The following DMD variants were observed in gnomAD, a reference collection of about 807,000 sequenced individuals.
The protein encoded by DMD is dystrophin.
A neutral mutation model predicts 330.1 loss-of-function variants in DMD; 63 were observed. The observed-to-expected ratio is 0.19, with a 90% CI of 0.16 to 0.24. DMD has a LOEUF of 0.24. DMD is among the 10% of genes least tolerant of loss of function. The probability of loss-of-function intolerance (pLI) is 1.00; values close to 1 mark genes in which losing one functional copy is unlikely to be tolerated. For missense variants in DMD, 3,344 were observed against 2,684.1 expected (o/e 1.25, Z -5.43); for synonymous variants, 1,223 against 959.8 (o/e 1.27, Z -5.07).
chrX:31,298,725 C>T, intron 62 of DMD, among the ~76,000 whole-genome samples: 1 of 111,923 alleles, frequency 8.9e-6, no homozygotes, highest in East Asian at 2.8e-4. Context: ...TATTGGTGAG[C>T]AGCAGGTTGG....
At chrX:31,951,704 T>C (rs929301360) in intron 45 of DMD, among the ~76,000 whole-genome samples, 3 of 111,298 alleles carry the variant, frequency 2.7e-5, no homozygotes, top group African/African-American at 9.8e-5. Flanking sequence ...ATAATTTTTA[T>C]GCAATCTTAG....
chrX:32,756,315 T>C (rs1279081585), intron 7 of DMD: 1 of 112,027 alleles, frequency 8.9e-6, no homozygotes, highest in Non-Finnish European at 1.9e-5. Flanking sequence ...TGTTTTCTGA[T>C]TGAATCATAA....
intron 11 of DMD, among the ~76,000 whole-genome samples, chrX:32,632,595 T>G (rs1260402848): frequency 1.8e-5 from 2 of 112,455 alleles, no homozygotes; most frequent in Non-Finnish European, 3.8e-5. Context: ...AAAATCTAGA[T>G]GGATGTTCCC....
At chrX:32,551,825 C>T (rs1216627446) in intron 16 of DMD, among the ~76,000 whole-genome samples, 1 of 111,659 alleles carries the variant, frequency 9.0e-6, no homozygotes, top group African/African-American at 3.3e-5. Flanking sequence ...AGTGTTCCTA[C>T]ACACCAACAA....
At chrX:33,285,203 G>C (rs1460078541) in intron 1 of DMD, among the ~76,000 whole-genome samples, 2 of 111,329 alleles carry the variant, frequency 1.8e-5, no homozygotes, top group Non-Finnish European at 3.8e-5. Context: ...TTTTAAAAAA[G>C]AAAACCATAT....
At chrX:32,298,539 G>A (rs1370935562) in intron 42 of DMD, among the ~76,000 whole-genome samples, 1 of 102,129 alleles carries the variant, frequency 9.8e-6, no homozygotes, top group Non-Finnish European at 1.9e-5. Flanking sequence ...CATGATTCAG[G>A]AGAGGAATCT....
intron 1 of DMD, among the ~76,000 whole-genome samples, chrX:33,189,263 A>C (rs2050410932): frequency 9.0e-6 from 1 of 111,638 alleles, no homozygotes; most frequent in Non-Finnish European, 1.9e-5. Context: ...TAACCAAATA[A>C]CTTTATATAT....
intron 59 of DMD, among the ~76,000 whole-genome samples, chrX:31,448,796 T>A (rs35185778): frequency 0.23 from 25,018 of 111,150 alleles, 3,099 homozygotes; most frequent in African/African-American, 0.46. Context: ...GACTAGTTTC[T>A]CACAGGCAGA....
intron 55 of DMD, among the ~76,000 whole-genome samples, chrX:31,600,510 G>GTTTTT (rs1177947507): frequency 2.8e-4 from 14 of 50,453 alleles, no homozygotes; most frequent in African/African-American, 3.1e-4. Flanking sequence ...GCCAACTATG[G>GTTTTT]TTTTTTTTTT....
intron 52 of DMD, among the ~76,000 whole-genome samples, chrX:31,701,494 C>A (rs918121992): frequency 3.6e-5 from 4 of 111,787 alleles, no homozygotes; most frequent in Non-Finnish European, 7.5e-5. Flanking sequence ...CCTACCCATG[C>A]CTAATTCCCT....
chrX:32,207,128 G>A (rs1046078674), intron 44 of DMD, among the ~76,000 whole-genome samples: 4 of 111,636 alleles, frequency 3.6e-5, no homozygotes, highest in Non-Finnish European at 7.5e-5. Context: ...CCCAAGCCCT[G>A]TGTGGTAGTA....
intron 1 of DMD, among the ~76,000 whole-genome samples, chrX:33,134,874 T>C (rs894921470): frequency 1.8e-5 from 2 of 112,144 alleles, no homozygotes; most frequent in African/African-American, 6.5e-5. Flanking sequence ...CTTTGATTAA[T>C]GGCATACCCA....
chrX:33,052,091 A>T (rs1389142800), intron 1 of DMD, among the ~76,000 whole-genome samples: 4 of 111,985 alleles, frequency 3.6e-5, no homozygotes, highest in Non-Finnish European at 7.5e-5. Context: ...AAACACTTAG[A>T]GGAAATAAAT....
At chrX:32,565,281 G>A (rs2051557452) in intron 16 of DMD, among the ~76,000 whole-genome samples, 2 of 111,630 alleles carry the variant, frequency 1.8e-5, no homozygotes, top group South Asian at 7.5e-4. Flanking sequence ...CTGAACCCTA[G>A]TTCTCCTACC....
At chrX:32,347,663 G>T (rs2097768517) in intron 38 of DMD, among the ~76,000 whole-genome samples, 1 of 111,818 alleles carries the variant, frequency 8.9e-6, no homozygotes, top group Non-Finnish European at 1.9e-5. Flanking sequence ...TCTAGCACTG[G>T]TAATTGTAAA....
intron 33 of DMD, among the ~76,000 whole-genome samples, chrX:32,386,060 G>A (rs1270400977): frequency 9.1e-6 from 1 of 110,036 alleles, no homozygotes; most frequent in African/African-American, 3.3e-5. Flanking sequence ...AATAAGCAGA[G>A]CCTCACTGAT....
At chrX:31,228,554 T>C (rs1389136828) in intron 63 of DMD, among the ~76,000 whole-genome samples, 1 of 111,927 alleles carries the variant, frequency 8.9e-6, no homozygotes, top group South Asian at 3.7e-4. Flanking sequence ...CAAGATGCAA[T>C]ACAGCTGTGA....
chrX:32,193,402 T>C (rs2096984461), intron 44 of DMD, among the ~76,000 whole-genome samples: 1 of 112,154 alleles, frequency 8.9e-6, no homozygotes, highest in Non-Finnish European at 1.9e-5. Flanking sequence ...CTTTCGTATA[T>C]CCTTTCAGGG....
intron 67 of DMD, among the ~76,000 whole-genome samples, chrX:31,186,119 G>C (rs2041750838): frequency 8.9e-6 from 1 of 111,871 alleles, no homozygotes; most frequent in African/African-American, 3.3e-5. Context: ...CAGCACTCCA[G>C]TCATTACCCC....
Sources: allele counts gnomAD v4.1 joint callset (sites outside exome capture counted in the v4.1 genomes callset), GRCh38; gene constraint gnomAD v4.1.1; transcripts MANE v1.5; gene names NCBI Gene and HGNC (gene_info 2026-07-23, HGNC 2026-07-21).